The following MATN2 variants were observed in gnomAD, a reference collection of about 807,000 sequenced individuals.
The protein encoded by MATN2 is matrilin 2, also known as matrilin-2.
Under a neutral mutation model 103.2 loss-of-function variants are expected in MATN2, and 69 were observed. The observed-to-expected ratio is 0.67, with a 90% CI of 0.55 to 0.82. The LOEUF is 0.82. Ranked by LOEUF, MATN2 falls within the 40% of genes least tolerant of loss-of-function variation. MATN2 has a pLI of 0.00. For synonymous variants in MATN2, 429 were observed against 450.2 expected (o/e 0.95, Z 0.60); for missense variants, 1,023 against 1,211.5 (o/e 0.84, Z 2.31).
chr8:97,986,980 C>G (rs1266030132), intron 6 of MATN2, among the ~76,000 whole-genome samples: 2 of 151,624 alleles, frequency 1.3e-5, no homozygotes, highest in African/African-American at 2.4e-5. Context: ...CTACAGGTGC[C>G]CGCCACCACG....
At chr8:97,958,279 G>C (rs1811200660) in intron 4 of MATN2, among the ~76,000 whole-genome samples, 1 of 152,188 alleles carries the variant, frequency 6.6e-6, no homozygotes, top group Non-Finnish European at 1.5e-5. Context: ...GATGGGGCAA[G>C]GCAGCATCTG....
intron 2 of MATN2, among the ~76,000 whole-genome samples, chr8:97,898,497 C>A (rs373035269): frequency 6.6e-6 from 1 of 150,802 alleles, no homozygotes; most frequent in Admixed American, 6.7e-5. Flanking sequence ...CTCGGGAGGC[C>A]GAGGCAGGAA....
rs1171081065 is a variant in MATN2 at position 97,982,477 on chromosome 8, T to G, written c.1081+3469T>G. 6.6e-6 allele frequency among the ~76,000 whole-genome samples: 1 copy of G among 152,154 alleles called. No homozygotes were observed. The highest frequency in any genetic ancestry group is 1.5e-5 in the Non-Finnish European group (1 of 68,038). ...TACACTTGCAAAAAATGAAAGAAAC[T>G]CAGTTTCTCAAATTTCAGCCTATAT... On this transcript the variant is annotated intron_variant, in intron 6 of 18. Coordinates refer to ENST00000254898, the MANE Select transcript of MATN2 (RefSeq NM_002380.5). This position sits in a 1 kb window ranked among gnomAD's most constrained non-coding sequence, Gnocchi z 4.3.
chr8:98,032,848 TTG>T (rs1814091391), intron 16 of MATN2, among the ~76,000 whole-genome samples, 192 bp from the exon 17 acceptor site: 2 of 151,186 alleles, frequency 1.3e-5, no homozygotes, highest in African/African-American at 2.5e-5. Flanking sequence ...GTTTTGTTTT[TTG>T]TTGTTGTTGT....
chr8:97,977,080 A>G (rs182941917), intron 5 of MATN2, among the ~76,000 whole-genome samples: 5 of 151,970 alleles, frequency 3.3e-5, no homozygotes, highest in Non-Finnish European at 7.4e-5. Context: ...TACTAAAAAT[A>G]TAAAAATTAG....
intron 3 of MATN2, among the ~76,000 whole-genome samples, chr8:97,933,536 C>T (rs531257597): frequency 1.5e-5 from 2 of 135,906 alleles, no homozygotes; most frequent in East Asian, 2.6e-4. Flanking sequence ...CCCCCACCCC[C>T]GCAATCCTGG....
intron 6 of MATN2, among the ~76,000 whole-genome samples, chr8:97,988,219 CAT>C (rs60086528): frequency 0.089 from 11,022 of 124,178 alleles, 617 homozygotes; most frequent in African/African-American, 0.13. Context: ...TACACACATA[CAT>C]ATATATATAT....
In MATN2 at chr8:97,945,717, A is replaced by AATATATAT. The variant is rs1554605716; in HGVS notation, c.835+3830_835+3837dup. On this transcript the variant is annotated intron_variant, in intron 4 of 18. Transcript: ENST00000254898. The stretch of plus-strand genomic sequence containing the variant: ...CATACACACTATAGAAAAAAAAAAA[A>AATATATAT]ATATATATATATATATATAATCTCC... Among the ~76,000 whole-genome samples, 209 of 121,800 alleles carry AATATATAT rather than the reference A, an allele frequency of 1.7e-3. 1 individual carries two copies. Among genetic ancestry groups the AATATATAT allele is most frequent in the East Asian group, 7.2e-3 (31 of 4,296 alleles). 79.9% of individuals were successfully genotyped at this position (121,800 alleles called of 152,430 possible).
chr8:98,022,295 T>C (rs1813622072), intron 13 of MATN2, among the ~76,000 whole-genome samples: 1 of 152,106 alleles, frequency 6.6e-6, no homozygotes, highest in African/African-American at 2.4e-5. Flanking sequence ...ACAGTCTCTC[T>C]TTCTCTATAT....
intron 10 of MATN2, among the ~76,000 whole-genome samples, chr8:98,016,115 A>G (rs191453189): frequency 1.1e-3 from 165 of 152,116 alleles, no homozygotes; most frequent in African/African-American, 3.8e-3. Context: ...TGCCATGTGT[A>G]TATTAAGAAT....
chr8:97,882,519 C>G (rs1179441640), intron 1 of MATN2, among the ~76,000 whole-genome samples: 1 of 151,930 alleles, frequency 6.6e-6, no homozygotes. Context: ...CAGCCCCTCC[C>G]TCGAGTAGCT....
At chr8:97,930,552 GATC>G (rs1810144090) in intron 2 of MATN2, 1 of 163,554 alleles carries the variant, frequency 6.1e-6, no homozygotes, top group Admixed American at 5.7e-5. Flanking sequence ...TTTCAAAGGT[GATC>G]ATCAGTCCCA....
At chr8:97,936,204 G>A (rs1400759791) in intron 3 of MATN2, among the ~76,000 whole-genome samples, 1 of 152,132 alleles carries the variant, frequency 6.6e-6, no homozygotes. Context: ...GAGAAAACAT[G>A]GAATCTATGG....
Position 98,026,376 on chromosome 8 carries a change from C to T in MATN2, c.1943-1040C>T, listed in dbSNP as rs1465811376. ...TTGGGCTCCGGTAATCTTTCTGCCTCAGCCTCCCAAGTAGCTAGGGCTACA... is the reference window on the plus strand; with the variant it reads ...TTGGGCTCCGGTAATCTTTCTGCCTTAGCCTCCCAAGTAGCTAGGGCTACA... On this transcript the variant is annotated intron_variant, in intron 13 of 18. Coordinates refer to ENST00000254898, the MANE Select transcript of MATN2 (RefSeq NM_002380.5). 2.0e-5 allele frequency among the ~76,000 whole-genome samples: 3 copies of T among 151,734 alleles called. 1 individual carries two copies. Among genetic ancestry groups the T allele is most frequent in the African/African-American group, 7.3e-5 (3 of 41,308 alleles).
At chr8:98,022,673 G>A (rs889541333) in intron 13 of MATN2, among the ~76,000 whole-genome samples, 7 of 127,060 alleles carry the variant, frequency 5.5e-5, no homozygotes, top group African/African-American at 1.8e-4. Flanking sequence ...AGCTTAGCAC[G>A]AGGACAAAGA....
intron 3 of MATN2, among the ~76,000 whole-genome samples, chr8:97,935,124 A>G (rs997120945): frequency 1.3e-5 from 2 of 151,914 alleles, no homozygotes; most frequent in Admixed American, 6.6e-5. Context: ...AGGTCTCACT[A>G]TGTTGTCCAG....
At chr8:97,986,616 C>T (rs1213278773) in intron 6 of MATN2, among the ~76,000 whole-genome samples, 1 of 152,172 alleles carries the variant, frequency 6.6e-6, no homozygotes, top group Non-Finnish European at 1.5e-5. Context: ...TCTTTTGTTC[C>T]TTTTTATGGC....
intron 2 of MATN2, among the ~76,000 whole-genome samples, chr8:97,919,007 G>T (rs1055464804): frequency 2.0e-5 from 3 of 152,128 alleles, no homozygotes; most frequent in Non-Finnish European, 1.5e-5. Flanking sequence ...CAGAATATTT[G>T]CATCAGGAGA....
intron 4 of MATN2, among the ~76,000 whole-genome samples, chr8:97,949,423 C>T (rs534122235): frequency 6.6e-5 from 10 of 152,088 alleles, no homozygotes; most frequent in Non-Finnish European, 1.2e-4. Context: ...ATCTGTCCAC[C>T]TCAGCCTCCC....
Sources: allele counts gnomAD v4.1 joint callset (sites outside exome capture counted in the v4.1 genomes callset), GRCh38; gene constraint gnomAD v4.1.1; non-coding constraint Gnocchi (gnomAD v3.1); transcripts MANE v1.5; gene names NCBI Gene and HGNC (gene_info 2026-07-23, HGNC 2026-07-21).